Variants in CDH18 observed in about 807,000 individuals in gnomAD.
CDH18 encodes cadherin 18.
A neutral mutation model predicts 67.9 loss-of-function variants in CDH18; 31 were observed. That is an observed-to-expected ratio of 0.46 (90% confidence interval 0.34 to 0.62). The LOEUF (loss-of-function observed/expected upper bound fraction) is 0.62. Among genes scored for constraint, CDH18 ranks in the 20% least tolerant of loss-of-function variants. The pLI is 0.01. For synonymous variants in CDH18, 362 were observed against 347.2 expected (o/e 1.04, Z -0.48); for missense variants, 890 against 975.5 (o/e 0.91, Z 1.17).
chr5:20,471,853 C>CAAAAAAAAAAAAAAAAAAAAAA (rs1554005562), intron 1 of CDH18, among the ~76,000 whole-genome samples: 2 of 56,518 alleles, frequency 3.5e-5, no homozygotes, highest in African/African-American at 5.3e-5. Flanking sequence ...AAAAAAAAAG[C>CAAAAAAAAAAAAAAAAAAAAAA]AAAAGCATTG....
chr5:20,438,368 A>G (rs1749344249), intron 1 of CDH18, among the ~76,000 whole-genome samples: 1 of 151,012 alleles, frequency 6.6e-6, no homozygotes, highest in Non-Finnish European at 1.5e-5. Context: ...GTATCTATAT[A>G]CCCCACATCT....
intron 1 of CDH18, among the ~76,000 whole-genome samples, chr5:20,285,363 G>A (rs1746606148): frequency 6.8e-6 from 1 of 146,884 alleles, no homozygotes; most frequent in Admixed American, 6.9e-5. Context: ...CATATAATCT[G>A]AGGCATGTAA....
At chr5:19,606,602 T>C (rs892049941) in intron 6 of CDH18, among the ~76,000 whole-genome samples, 1 of 151,894 alleles carries the variant, frequency 6.6e-6, no homozygotes, top group Non-Finnish European at 1.5e-5. Flanking sequence ...TACTAGAATA[T>C]AGGTTAATAT....
At chr5:20,220,396 C>A (rs967075606) in intron 2 of CDH18, among the ~76,000 whole-genome samples, 1 of 151,874 alleles carries the variant, frequency 6.6e-6, no homozygotes, top group Non-Finnish European at 1.5e-5. Context: ...CGCTTTTATA[C>A]ATAGTGCTGA....
intron 2 of CDH18, among the ~76,000 whole-genome samples, chr5:20,092,206 G>A (rs1359038553): frequency 6.6e-6 from 1 of 152,106 alleles, no homozygotes; most frequent in Admixed American, 6.6e-5. Context: ...CCAGCCCTTG[G>A]ATTGTAGACT....
chr5:20,388,148 G>T (rs1258619075), intron 1 of CDH18, among the ~76,000 whole-genome samples: 1 of 152,170 alleles, frequency 6.6e-6, no homozygotes, highest in Non-Finnish European at 1.5e-5. Context: ...AATGGCACCA[G>T]TTCCTCCTTG....
At chr5:19,847,854 C>G (rs1291548327) in intron 2 of CDH18, among the ~76,000 whole-genome samples, 2 of 151,970 alleles carry the variant, frequency 1.3e-5, no homozygotes, top group Non-Finnish European at 2.9e-5. Context: ...TTTGAGATCT[C>G]ATAATTTCTT....
chr5:19,707,731 C>G (rs114258675), intron 5 of CDH18, among the ~76,000 whole-genome samples: 142 of 152,230 alleles, frequency 9.3e-4, no homozygotes, highest in East Asian at 2.9e-3. Flanking sequence ...TAAATCTGCT[C>G]CTATAACTGA....
chr5:20,371,030 C>G (rs1392038740), intron 1 of CDH18, among the ~76,000 whole-genome samples: 1 of 144,244 alleles, frequency 6.9e-6, no homozygotes, highest in Non-Finnish European at 1.5e-5. Flanking sequence ...GGGCGAGACT[C>G]TGTCTCAAAA....
intron 1 of CDH18, among the ~76,000 whole-genome samples, chr5:19,984,550 C>T (rs146825258): frequency 7.2e-5 from 11 of 152,188 alleles, no homozygotes; most frequent in South Asian, 2.1e-4. Flanking sequence ...TTTTTAACCA[C>T]GCTAGAATAA....
intron 3 of CDH18, among the ~76,000 whole-genome samples, chr5:19,748,053 C>T (rs564595320): frequency 5.1e-5 from 7 of 136,448 alleles, no homozygotes; most frequent in South Asian, 4.7e-4. Flanking sequence ...GCGGAGCTTG[C>T]AGTGAGCCGA....
intron 2 of CDH18, among the ~76,000 whole-genome samples, chr5:20,168,928 C>T (rs1477048633): frequency 6.6e-6 from 1 of 151,858 alleles, no homozygotes; most frequent in Non-Finnish European, 1.5e-5. Context: ...AAAATCAAAG[C>T]AATTGAACTC....
At chr5:19,863,488 G>A (rs927359673) in intron 2 of CDH18, among the ~76,000 whole-genome samples, 3 of 152,128 alleles carry the variant, frequency 2.0e-5, no homozygotes, top group Admixed American at 1.3e-4. Flanking sequence ...ATCTCATTAA[G>A]CCTCCTGTCA....
intron 1 of CDH18, among the ~76,000 whole-genome samples, chr5:20,355,721 T>G (rs1347643541): frequency 6.6e-6 from 1 of 152,202 alleles, no homozygotes; most frequent in African/African-American, 2.4e-5. Flanking sequence ...CTTTTGTATA[T>G]TTATAGCTAA....
At chr5:19,998,664 A>G (rs1736206260) in intron 2 of CDH18, among the ~76,000 whole-genome samples, 1 of 152,170 alleles carries the variant, frequency 6.6e-6, no homozygotes, top group Admixed American at 6.5e-5. Flanking sequence ...AACCCTAAAC[A>G]GTATTAGTAT....
intron 2 of CDH18, among the ~76,000 whole-genome samples, chr5:20,130,397 CTTAGTTT>C (rs1342053701): frequency 1.6e-5 from 1 of 61,790 alleles, no homozygotes; most frequent in Non-Finnish European, 4.2e-5. Flanking sequence ...TTCTCTCTTC[CTTAGTTT>C]TTTTTTTTTT....
chr5:19,900,846 G>A (rs1789869486), intron 2 of CDH18, among the ~76,000 whole-genome samples: 1 of 151,998 alleles, frequency 6.6e-6, no homozygotes, highest in African/African-American at 2.4e-5. Flanking sequence ...GTGGAAATCT[G>A]CCTTTTTATC....
chr5:20,223,187 G>A (rs780044511), intron 2 of CDH18, among the ~76,000 whole-genome samples: 5 of 152,092 alleles, frequency 3.3e-5, no homozygotes, highest in Admixed American at 6.6e-5. Flanking sequence ...GCCCAAGGCC[G>A]TGGAAACCCA....
intron 6 of CDH18, among the ~76,000 whole-genome samples, chr5:19,609,705 T>C (rs912790904): frequency 3.3e-5 from 5 of 151,970 alleles, no homozygotes; most frequent in African/African-American, 1.2e-4. Context: ...TTAGGGATGT[T>C]TATTCAAGTG....
Sources: gnomAD v4.1 joint callset for allele counts (sites outside exome capture counted in the v4.1 genomes callset) on GRCh38, gnomAD v4.1.1 for gene constraint, MANE v1.5 for transcripts, NCBI Gene and HGNC (gene_info 2026-07-23, HGNC 2026-07-21) for gene names.